The following UCK2 variants were observed in gnomAD, a reference collection of about 807,000 sequenced individuals.
UCK2 encodes the protein uridine-cytidine kinase 2, also known as cytidine monophosphokinase 2.
A neutral mutation model predicts 30.8 loss-of-function variants in UCK2; 6 were observed. That is an observed-to-expected ratio of 0.19 (90% CI 0.11 to 0.38). The LOEUF (loss-of-function observed/expected upper bound fraction) is 0.38. Ranked by LOEUF, UCK2 falls within the 10% of genes least tolerant of loss-of-function variation. UCK2 has a pLI of 1.00. For synonymous variants in UCK2, 125 were observed against 133.6 expected (o/e 0.94, Z 0.45); for missense variants, 210 against 339.8 (o/e 0.62, Z 3.00).
At chr1:165,904,075 G>C (rs769523154) in intron 5 of UCK2, 1 of 152,218 alleles carries the variant, frequency 6.6e-6, no homozygotes, top group Non-Finnish European at 1.5e-5. Context: ...CTCTGAGACC[G>C]GGAGGAAGGG....
chr1:165,896,073 G>A (rs1194417935), intron 3 of UCK2, 117 bp from the exon 4 acceptor site: 1 of 1,338,078 alleles, frequency 7.5e-7, no homozygotes, highest in South Asian at 1.3e-5. Context: ...GCCCCCGCTT[G>A]AAGTCTGTGG....
At chr1:165,865,685 C>T (rs1655028962) in intron 1 of UCK2, among the ~76,000 whole-genome samples, 1 of 152,164 alleles carries the variant, frequency 6.6e-6, no homozygotes, top group South Asian at 2.1e-4. Context: ...AAAGCCGGTA[C>T]CTTGAGGAGA....
chr1:165,858,693 G>A (rs929052242), intron 1 of UCK2, among the ~76,000 whole-genome samples: 2 of 152,138 alleles, frequency 1.3e-5, no homozygotes, highest in African/African-American at 4.8e-5. Flanking sequence ...ATGGGAGGAG[G>A]GAGAGTTGCA....
At chr1:165,866,725 G>A (rs1233638211) in intron 1 of UCK2, among the ~76,000 whole-genome samples, 2 of 152,100 alleles carry the variant, frequency 1.3e-5, no homozygotes, top group African/African-American at 4.8e-5. Context: ...CTCAGAATTG[G>A]ACTATTCTAG....
chr1:165,891,626 G>T (rs961791823), intron 3 of UCK2: 3 of 314,096 alleles, frequency 9.6e-6, no homozygotes, highest in African/African-American at 6.4e-5. Context: ...ACATTCCAGT[G>T]CTGCTGTTCC....
chr1:165,883,169 C>G (rs1299460537), intron 1 of UCK2, among the ~76,000 whole-genome samples: 1 of 152,138 alleles, frequency 6.6e-6, no homozygotes, highest in South Asian at 2.1e-4. Context: ...TATTTAGCTG[C>G]TCTCCCATCC....
chr1:165,834,919 CAT>C (rs1271578097), intron 1 of UCK2, among the ~76,000 whole-genome samples: 7 of 152,160 alleles, frequency 4.6e-5, no homozygotes, highest in African/African-American at 1.7e-4. Flanking sequence ...ATGGCAGAAA[CAT>C]AACAATTTTG....
chr1:165,902,359 C>G lies in UCK2; in HGVS notation c.500-823C>G, dbSNP rs557275920. On this transcript the variant is annotated intron_variant, in intron 4 of 6. Transcript: ENST00000367879. Reference sequence around the variant, plus strand: ...CCCAGGAGGTTGAGGCTGTAGTGAGCTATGACTGTGCTACTGCACTACAAC... The same window carrying G: ...CCCAGGAGGTTGAGGCTGTAGTGAGGTATGACTGTGCTACTGCACTACAAC... 1.1e-3 allele frequency among the ~76,000 whole-genome samples: 160 copies of G among 151,334 alleles called. 1 individual carries two copies. Among genetic ancestry groups the G allele is most frequent in the African/African-American group, 3.8e-3 (158 of 41,174 alleles).
intron 1 of UCK2, among the ~76,000 whole-genome samples, chr1:165,857,312 CT>C (rs1485602291): frequency 2.0e-5 from 3 of 152,204 alleles, no homozygotes; most frequent in Non-Finnish European, 4.4e-5. Flanking sequence ...TAAGTACCAT[CT>C]GATACATTAA....
intron 1 of UCK2, among the ~76,000 whole-genome samples, chr1:165,848,662 A>ACACC (rs1553196976): frequency 4.7e-5 from 7 of 147,694 alleles, no homozygotes; most frequent in Admixed American, 1.3e-4. Flanking sequence ...ACACACACCC[A>ACACC]CACACACACA....
chr1:165,842,307 G>A (rs1415967447), intron 1 of UCK2, among the ~76,000 whole-genome samples: 1 of 152,114 alleles, frequency 6.6e-6, no homozygotes, highest in Non-Finnish European at 1.5e-5. Context: ...CGCAGATTGG[G>A]TATTTCCTGC....
At chr1:165,867,662 TA>T (rs1262363385) in intron 1 of UCK2, among the ~76,000 whole-genome samples, 18 of 152,374 alleles carry the variant, frequency 1.2e-4, no homozygotes, top group African/African-American at 4.3e-4. Flanking sequence ...CACATTTTAT[TA>T]TGAGATTGCA....
intron 3 of UCK2, 63 bp downstream of exon 3, chr1:165,891,385 A>T: frequency 1.4e-6 from 2 of 1,432,662 alleles, no homozygotes; most frequent in Non-Finnish European, 2.0e-6. Context: ...CCTGGTCTGC[A>T]CTGAGACCTC....
intron 1 of UCK2, among the ~76,000 whole-genome samples, chr1:165,878,544 C>T (rs1197162270): frequency 6.6e-6 from 1 of 152,052 alleles, no homozygotes; most frequent in Non-Finnish European, 1.5e-5. Flanking sequence ...CCCCCTCTGG[C>T]CATGTTGGCC....
At chr1:165,888,642 C>CT (rs60874109) in intron 1 of UCK2, among the ~76,000 whole-genome samples, 8,879 of 71,078 alleles carry the variant, frequency 0.12, 940 homozygotes, top group South Asian at 0.31. Flanking sequence ...CTTTCTTCTT[C>CT]TTTTTTTTTT....
At chr1:165,887,778 C>CG (rs397687934) in intron 1 of UCK2, among the ~76,000 whole-genome samples, 1 of 151,956 alleles carries the variant, frequency 6.6e-6, no homozygotes, top group South Asian at 2.1e-4. Context: ...ATTTCCCCCC[C>CG]CACCCATCCA....
intron 1 of UCK2, among the ~76,000 whole-genome samples, chr1:165,839,618 G>C (rs970369774): frequency 6.6e-6 from 1 of 152,182 alleles, no homozygotes; most frequent in Non-Finnish European, 1.5e-5. Context: ...TTGTTCAGAA[G>C]ATGCTTCCTT....
At chr1:165,896,546 T>A (rs1436113927) in intron 4 of UCK2, among the ~76,000 whole-genome samples, 2 of 152,222 alleles carry the variant, frequency 1.3e-5, no homozygotes, top group African/African-American at 2.4e-5. Context: ...GATTAGTCAC[T>A]TACTGTTTGG....
intron 1 of UCK2, among the ~76,000 whole-genome samples, chr1:165,859,878 C>A (rs1654851079): frequency 4.6e-5 from 7 of 152,144 alleles, no homozygotes; most frequent in Admixed American, 4.6e-4. Flanking sequence ...GAAGCTCTTG[C>A]CTTCTCTGGC....
Sources: allele counts gnomAD v4.1 joint callset (sites outside exome capture counted in the v4.1 genomes callset), GRCh38; gene constraint gnomAD v4.1.1; transcripts MANE v1.5; gene names NCBI Gene and HGNC (gene_info 2026-07-23, HGNC 2026-07-21).